EPB41L4A: variants seen among roughly 807,000 people sequenced by gnomAD.
EPB41L4A encodes band 4.1-like protein 4A.
A neutral mutation model predicts 108.6 loss-of-function variants in EPB41L4A; 100 were observed. That is an observed-to-expected ratio of 0.92 (90% confidence interval 0.78 to 1.09). The LOEUF is 1.09. EPB41L4A is among the 50% of genes least tolerant of loss of function. The pLI is 0.00. For synonymous variants in EPB41L4A, 319 were observed against 289.0 expected, an observed-to-expected ratio of 1.10 and a Z score of -1.05; for missense variants, 1,030 against 842.7, an observed-to-expected ratio of 1.22 and a Z score of -2.75.
intron 1 of EPB41L4A, among the ~76,000 whole-genome samples, chr5:112,352,248 C>T (rs6872155): frequency 0.6 from 91,404 of 152,012 alleles, 28,755 homozygotes; most frequent in South Asian, 0.77. Context: ...TTTTTTGATG[C>T]GGGTGTTTAT....
chr5:112,302,376 G>C (rs1004765494), intron 2 of EPB41L4A, among the ~76,000 whole-genome samples: 1 of 152,052 alleles, frequency 6.6e-6, no homozygotes, highest in Non-Finnish European at 1.5e-5. Flanking sequence ...ACTGATCTCA[G>C]AAACATTTTT....
intron 4 of EPB41L4A, among the ~76,000 whole-genome samples, chr5:112,271,918 G>T (rs576884399): frequency 4.3e-4 from 65 of 152,220 alleles, no homozygotes; most frequent in African/African-American, 1.4e-3. Flanking sequence ...CGACCTGAAA[G>T]TCCCCCCAGT....
chr5:112,264,876 C>T lies in EPB41L4A; in HGVS notation c.554+20G>A, dbSNP rs1396605215. The T allele has an allele frequency of 6.2e-7, 1 of 1,601,360 alleles. No individual in the cohort carries two copies. The highest frequency in any genetic ancestry group is 1.3e-5 in the African/African-American group (1 of 74,228). ...ATGACTGATGGATGATGCAATAAGA[C>T]ATGGTGTAATGATTCTTACATTAGA... On this transcript the variant is annotated intron_variant, in intron 6 of 22. Transcript: ENST00000261486.
At chr5:112,408,037 T>C (rs1048766292) in intron 1 of EPB41L4A, among the ~76,000 whole-genome samples, 3 of 152,142 alleles carry the variant, frequency 2.0e-5, no homozygotes, top group Non-Finnish European at 4.4e-5. Flanking sequence ...CTAGTAAAAA[T>C]AAACAAGATG....
At chr5:112,374,692 T>C (rs1308688259) in intron 1 of EPB41L4A, among the ~76,000 whole-genome samples, 1 of 152,214 alleles carries the variant, frequency 6.6e-6, no homozygotes, top group African/African-American at 2.4e-5. Flanking sequence ...TGGGTTTTAT[T>C]TTCCTTCTTT....
In EPB41L4A at chr5:112,164,831, CAA is replaced by C. The variant is rs5870486; in HGVS notation, c.*157_*158del. 19,487 of 480,644 alleles carry C rather than the reference CAA, an allele frequency of 0.041. No individual in the cohort carries two copies. Among genetic ancestry groups the C allele is most frequent in the South Asian group, 0.059 (1,533 of 26,026 alleles). 29.8% of individuals were successfully genotyped at this position (480,644 alleles called of 1,614,324 possible). A position where few individuals can be genotyped will look rare whatever the true frequency, so the allele number is the denominator to read the frequency against. ...CCTGGGCGACAGAGTGATAACATCT[CAA>C]AAAAAAAAAAAAAAAGAAGCAAAAG... On this transcript the variant is annotated 3_prime_UTR_variant, in exon 23 of 23. Coordinates refer to ENST00000261486, the MANE Select transcript of EPB41L4A (RefSeq NM_022140.5).
rs35486822 is a variant in EPB41L4A, at chr5:112,286,866, GAAAA to G, written c.205-6547_205-6544del. On this transcript the variant is annotated intron_variant, in intron 2 of 22. Coordinates refer to ENST00000261486, the MANE Select transcript of EPB41L4A (RefSeq NM_022140.5). ...TGCTTTGAAATAAATCTCTGGATGA[GAAAA>G]AAAAAAAAAAGTTGTTCTACATTCT... 2.1e-5 allele frequency among the ~76,000 whole-genome samples: 3 copies of G among 142,798 alleles called. 1 individual carries two copies. The highest frequency in any genetic ancestry group is 4.6e-5 in the Non-Finnish European group (3 of 64,966). The allele number at this position is 142,798 out of a possible 152,430, so 93.7% of individuals were successfully genotyped here.
At chr5:112,177,995 G>A (rs558840341) in intron 18 of EPB41L4A, among the ~76,000 whole-genome samples, 1 of 151,742 alleles carries the variant, frequency 6.6e-6, no homozygotes, top group Admixed American at 6.5e-5. Flanking sequence ...TTAACTGCTA[G>A]CAGGCTAAAC....
chr5:112,205,904 C>T (rs1474690794), intron 13 of EPB41L4A: 2 of 175,934 alleles, frequency 1.1e-5, no homozygotes, highest in Non-Finnish European at 2.4e-5. Context: ...CAGAGAAGCC[C>T]TTACTCCAGG....
rs759637047 is a variant in EPB41L4A, at chr5:112,419,003, A to C, written c.37T>G (p.Cys13Gly). ...CFCAVPEEFY[C>G]EVLLLDESKL... is the part of the protein sequence containing the mutation. ...GATTCATCCAGGAGCAAAACTTCGC[A>C]GTAAAATTCTTCCGGAACAGCGCAG... is the stretch of plus-strand genomic sequence containing the variant. Residue 13 changes from cysteine to glycine, a missense_variant, in exon 1 of 23, where the codon TGC becomes GGC. Cys to Gly is a radical substitution (Grantham distance 159). Coordinates refer to ENST00000261486, the MANE Select transcript of EPB41L4A (RefSeq NM_022140.5). The C allele has an allele frequency of 6.2e-7, 1 of 1,613,618 alleles. No homozygotes were observed. The highest frequency in any genetic ancestry group is 1.1e-5 in the South Asian group (1 of 91,050).
At chr5:112,141,924 C>A (rs749711464), downstream of EPB41L4A, among the ~76,000 whole-genome samples, 2 of 152,156 alleles carry the variant, frequency 1.3e-5, no homozygotes, top group African/African-American at 2.4e-5. Flanking sequence ...CCACCCTCCT[C>A]CCCCAACAAC....
chr5:112,414,119 G>A (rs1762570892), intron 1 of EPB41L4A, among the ~76,000 whole-genome samples: 1 of 152,154 alleles, frequency 6.6e-6, no homozygotes, highest in Admixed American at 6.5e-5. Context: ...CAGGTAATCT[G>A]ACTTTAGAGC....
At chr5:112,145,995 C>T (rs1395808916) in exon 13 of EPB41L4A, 1 of 456,242 alleles carries the variant, frequency 2.2e-6, no homozygotes, top group Admixed American at 2.4e-5. Flanking sequence ...GAGGTCTGGA[C>T]ACCCTGTTAA....
At chr5:112,381,474 G>C (rs1760172142) in intron 1 of EPB41L4A, among the ~76,000 whole-genome samples, 1 of 152,212 alleles carries the variant, frequency 6.6e-6, no homozygotes, top group Non-Finnish European at 1.5e-5. Flanking sequence ...ACCAAGATCT[G>C]TTTATATTCC....
In EPB41L4A at chr5:112,164,244, CTT is replaced by C. The variant is rs1760091926; in HGVS notation, c.*744_*745del. On this transcript the variant is annotated 3_prime_UTR_variant, in exon 23 of 23. Transcript: ENST00000261486. ...CCACAAAATAAAGTATTATAAAGAACTTTATATGAATAAAAATATATGCAGTC... is the reference window on the plus strand; with the variant it reads ...CCACAAAATAAAGTATTATAAAGAACTATATGAATAAAAATATATGCAGTC... 6.6e-6 allele frequency: 1 copy of C among 152,202 alleles called. No individual in the cohort carries two copies. Among genetic ancestry groups the C allele is most frequent in the African/African-American group, 2.4e-5 (1 of 41,452 alleles). 9.4% of individuals were successfully genotyped at this position (152,202 alleles called of 1,614,324 possible).
At chr5:112,289,670 C>T (rs1255556158) in intron 2 of EPB41L4A, among the ~76,000 whole-genome samples, 1 of 152,170 alleles carries the variant, frequency 6.6e-6, no homozygotes, top group Non-Finnish European at 1.5e-5. Flanking sequence ...GGTGCTCCAT[C>T]CCCAGTTGAA....
chr5:112,190,216 T>C (rs1337432824), intron 17 of EPB41L4A, among the ~76,000 whole-genome samples: 1 of 152,224 alleles, frequency 6.6e-6, no homozygotes, highest in Non-Finnish European at 1.5e-5. Flanking sequence ...GCATTTTAGT[T>C]TTTAATCCTA....
At chr5:112,156,646 T>C (rs977413315) in intron 12 of EPB41L4A, among the ~76,000 whole-genome samples, 1 of 152,230 alleles carries the variant, frequency 6.6e-6, no homozygotes, top group Non-Finnish European at 1.5e-5. Flanking sequence ...TTTAGCTAGA[T>C]GGCTGAAGAT....
intron 12 of EPB41L4A, among the ~76,000 whole-genome samples, chr5:112,221,727 A>C (rs576222993): frequency 1.3e-5 from 2 of 152,348 alleles, no homozygotes; most frequent in Admixed American, 1.3e-4. Context: ...TTGTTGAATA[A>C]GAAGAAAAAG....
Sources: gnomAD v4.1 joint callset for allele counts (sites outside exome capture counted in the v4.1 genomes callset) on GRCh38, gnomAD v4.1.1 for gene constraint, MANE v1.5 for transcripts, NCBI Gene and HGNC (gene_info 2026-07-23, HGNC 2026-07-21) for gene names.